DNAH7: variants seen among roughly 807,000 people sequenced by gnomAD.
DNAH7 encodes the protein axonemal beta dynein heavy chain 7.
Under a neutral mutation model 444.6 loss-of-function variants are expected in DNAH7, and 397 were observed. The ratio of observed to expected loss-of-function variants is 0.89; its 90% CI spans 0.82 to 0.97. The LOEUF is 0.97. Among genes scored for constraint, DNAH7 ranks in the 50% least tolerant of loss-of-function variants. The probability of loss-of-function intolerance (pLI) is 0.00; values close to 1 mark genes in which losing one functional copy is unlikely to be tolerated. For missense variants in DNAH7, 4,902 were observed against 4,800.8 expected, an observed-to-expected ratio of 1.02 and a Z score of -0.62; for synonymous variants, 1,636 against 1,624.4, an observed-to-expected ratio of 1.01 and a Z score of -0.17.
At chr2:195,747,221 C>G (rs1304393169) in intron 63 of DNAH7, among the ~76,000 whole-genome samples, 1 of 152,212 alleles carries the variant, frequency 6.6e-6, no homozygotes, top group African/African-American at 2.4e-5. Context: ...CTACAAACAC[C>G]TCTACGCAAA....
Position 195,865,425 on chromosome 2 carries a change from C to A in DNAH7, c.6634-404G>T, listed in dbSNP as rs1374531780. On this transcript the variant is annotated intron_variant, in intron 40 of 64. Coordinates refer to ENST00000312428, the MANE Select transcript of DNAH7 (RefSeq NM_018897.3). ...TGTTTCCTTTTTCTAAGATAGATAA[C>A]ATTTTGAAAGTTATTGACAAATCAA... Among the ~76,000 whole-genome samples, 5 of 152,166 alleles carry A rather than the reference C, an allele frequency of 3.3e-5. No homozygotes were observed. In the South Asian group the frequency reaches 1.0e-3, roughly 31 times the overall value.
At chr2:195,921,082 G>A (rs944292963) in intron 24 of DNAH7, among the ~76,000 whole-genome samples, 1 of 152,188 alleles carries the variant, frequency 6.6e-6, no homozygotes, top group African/African-American at 2.4e-5. Context: ...TGTGGATGTA[G>A]TGAAAGGGGA....
intron 21 of DNAH7, among the ~76,000 whole-genome samples, chr2:195,926,882 C>T (rs1022019589): frequency 1.3e-5 from 2 of 151,892 alleles, no homozygotes; most frequent in Non-Finnish European, 2.9e-5. Context: ...ATTGAACAAG[C>T]ATGAGCAATT....
intron 12 of DNAH7, among the ~76,000 whole-genome samples, chr2:195,999,465 T>C (rs1693907912): frequency 6.6e-6 from 1 of 152,138 alleles, no homozygotes; most frequent in Non-Finnish European, 1.5e-5. Context: ...CCTCAAAGAC[T>C]TTTTTCATAA....
intron 47 of DNAH7, 142 bp from the exon 48 acceptor site, chr2:195,834,502 C>T (rs139085341): frequency 2.9e-5 from 26 of 911,418 alleles, no homozygotes; most frequent in Admixed American, 1.2e-4. Flanking sequence ...AAACTATGTT[C>T]TTAAAACAGA....
At position 195,817,811 on chromosome 2, in the gene DNAH7, T is replaced by C. The variant is rs775930593; in HGVS notation, c.9310A>G (p.Met3104Val). 7.8e-5 allele frequency: 124 copies of C among 1,595,352 alleles called. 1 individual carries two copies. In the Middle Eastern group the frequency reaches 6.7e-3, roughly 86 times the overall value. The change falls in exon 50 of 65, where the codon ATG becomes GTG. Residue 3104 changes from methionine (M) to valine (V), a missense_variant. Met to Val is a conservative substitution (Grantham distance 21). Transcript: ENST00000312428. Reference protein sequence around the residue: ...TSVKVTLLNFMITPEGMQDQL... With the variant: ...TSVKVTLLNFVITPEGMQDQL... ...TCTTGCATTCCCTCAGGGGTTATCA[T>C]GAAGTTTAATAATGTTACCTATAAA...
intron 24 of DNAH7, among the ~76,000 whole-genome samples, chr2:195,910,533 A>G (rs1473688718): frequency 6.6e-6 from 1 of 152,208 alleles, no homozygotes; most frequent in African/African-American, 2.4e-5. Context: ...AAAACAAATA[A>G]TAATTTAAAA....
chr2:195,771,760 G>A lies in DNAH7; in HGVS notation c.11333C>T (p.Thr3778Ile), dbSNP rs1425403236. 4 of 1,614,134 alleles carry A rather than the reference G, an allele frequency of 2.5e-6. No individual in the cohort carries two copies. Among genetic ancestry groups the A allele is most frequent in the Non-Finnish European group, 2.5e-6 (3 of 1,180,030 alleles). The change falls in exon 61 of 65, where the codon ACT (threonine) becomes ATT (isoleucine). Residue 3778 changes from threonine to isoleucine, a missense_variant. Thr to Ile is a moderately conservative substitution (Grantham distance 89, BLOSUM62 -1). Transcript: ENST00000312428. ...GACAAGTACAGTGTTCATGCTCTGA[G>A]TATAAGTTGTTGGGTACCTCCTCAT... is the stretch of plus-strand genomic sequence containing the variant. ...AAMRRYPTTY[T>I]QSMNTVLVQE... is the part of the protein sequence containing the mutation.
chr2:195,798,961 G>C (rs1367860768), intron 55 of DNAH7, among the ~76,000 whole-genome samples: 1 of 152,092 alleles, frequency 6.6e-6, no homozygotes, highest in African/African-American at 2.4e-5. Context: ...GCACCCCTGA[G>C]GTCACTGTCC....
At chr2:195,799,584 G>T in intron 54 of DNAH7, 112 bp from the exon 55 acceptor site, 1 of 912,168 alleles carries the variant, frequency 1.1e-6, no homozygotes, top group African/African-American at 1.7e-5. Context: ...TATTAGTTTA[G>T]GTATTCATTA....
chr2:195,931,261 G>C (rs1268699797), intron 21 of DNAH7, among the ~76,000 whole-genome samples: 1 of 151,916 alleles, frequency 6.6e-6, no homozygotes, highest in Non-Finnish European at 1.5e-5. Context: ...TTCCCCACTT[G>C]TTGATGGGGT....
chr2:196,045,329 A>AGAGGGAGGAAGG (rs1348170584), intron 5 of DNAH7, among the ~76,000 whole-genome samples: 1 of 151,528 alleles, frequency 6.6e-6, no homozygotes, highest in Non-Finnish European at 1.5e-5. Context: ...AAAGAATAAA[A>AGAGGGAGGAAGG]GAGGGAGGAA....
chr2:195,890,862 T>C (rs2125222381), intron 31 of DNAH7, among the ~76,000 whole-genome samples: 1 of 152,292 alleles, frequency 6.6e-6, no homozygotes, highest in East Asian at 1.9e-4. Context: ...GCATCAAGTT[T>C]AGAATGTATG....
chr2:196,054,295 C>A (rs887859366), intron 2 of DNAH7, among the ~76,000 whole-genome samples: 1 of 152,066 alleles, frequency 6.6e-6, no homozygotes, highest in African/African-American at 2.4e-5. Flanking sequence ...CAAAGGGGAG[C>A]GGAGTGCTTG....
chr2:196,026,808 A>T lies in DNAH7; in HGVS notation c.619T>A (p.Ser207Thr). The change falls in exon 7 of 65, where the codon TCT becomes ACT. Residue 207 changes from serine (S) to threonine (T), a missense_variant. Physicochemically the swap from Ser to Thr is moderately conservative, Grantham distance 58. Transcript: ENST00000312428. Reference sequence around the variant, plus strand: ...AGATAATCCTCTCTCATTTCATCAGATAATGTAACTATGCTGTCAGTGAAG... The same window carrying T: ...AGATAATCCTCTCTCATTTCATCAGTTAATGTAACTATGCTGTCAGTGAAG... ...KVFTDSIVTL[S>T]DEMREDYLLS... 6.2e-7 allele frequency: 1 copy of T among 1,612,586 alleles called. No homozygotes were observed. Among genetic ancestry groups the T allele is most frequent in the Non-Finnish European group, 8.5e-7 (1 of 1,178,986 alleles).
chr2:195,834,474 T>G (rs1462127666), intron 47 of DNAH7, 114 bp from the exon 48 acceptor site: 11 of 1,190,000 alleles, frequency 9.2e-6, no homozygotes, highest in Non-Finnish European at 1.1e-5. Flanking sequence ...TGTAATATTT[T>G]ACTTTTTAAC....
chr2:195,905,820 T>C (rs1686980401), intron 27 of DNAH7: 1 of 152,106 alleles, frequency 6.6e-6, no homozygotes, highest in Non-Finnish European at 1.5e-5. Flanking sequence ...CAATGAAAAT[T>C]GAGAACTGAT....
chr2:195,923,805 A>G lies in DNAH7; in HGVS notation c.3615T>C (p.Ala1205=). The G allele has an allele frequency of 6.2e-7, 1 of 1,613,640 alleles. No individual in the cohort carries two copies. The highest frequency in any genetic ancestry group is 8.5e-7 in the Non-Finnish European group (1 of 1,179,658). ...VQTAIPMGIK[A]LEQYLKTCNR... Reference sequence around the variant, plus strand: ...TACATGTTTTCAAGTATTGCTCAAGAGCCTGAAAGAAAAGAAAATAAGATA... The same window carrying G: ...TACATGTTTTCAAGTATTGCTCAAGGGCCTGAAAGAAAAGAAAATAAGATA... The change falls in exon 23 of 65, where the codon GCT becomes GCC. Residue 1205 remains alanine, a splice_region_variant and synonymous_variant. Transcript: ENST00000312428.
chr2:195,964,529 T>G (rs1289566573), intron 17 of DNAH7, among the ~76,000 whole-genome samples: 2 of 121,964 alleles, frequency 1.6e-5, no homozygotes, highest in African/African-American at 4.4e-5. Context: ...TCTAATAGTT[T>G]TTTTTTTTTT....
Sources: gnomAD v4.1 joint callset for allele counts (sites outside exome capture counted in the v4.1 genomes callset) on GRCh38, gnomAD v4.1.1 for gene constraint, MANE v1.5 for transcripts, NCBI Gene and HGNC (gene_info 2026-07-23, HGNC 2026-07-21) for gene names.